CACNA1D: variants seen among roughly 807,000 people sequenced by gnomAD.
CACNA1D encodes the protein voltage-dependent L-type calcium channel subunit alpha-1D.
CACNA1D carries 55 observed loss-of-function variants against 257.1 expected under a neutral mutation model. The observed-to-expected ratio is 0.21, with a 90% CI of 0.17 to 0.27. The LOEUF is 0.27. Ranked by LOEUF, CACNA1D falls within the 10% of genes least tolerant of loss-of-function variation. CACNA1D has a pLI of 1.00. For synonymous variants in CACNA1D, 980 were observed against 1,014.9 expected (o/e 0.97, Z 0.65); for missense variants, 1,876 against 2,784.0 (o/e 0.67, Z 7.34).
rs757136931 is a variant in CACNA1D at position 53,735,385 on chromosome 3, G to T, written c.2633G>T (p.Gly878Val). ...ILSKTNPIRV[G>V]CHKLINHHIF... The stretch of plus-strand genomic sequence containing the variant: ...GCTTTTCCCTGCAGGATCCGCGTAG[G>T]CTGCCACAAGCTCATCAACCACCAC... The change falls in exon 20 of 48, where the codon GGC becomes GTC. Residue 878 changes from glycine (G) to valine (V), a missense_variant. This residue lies in a region of CACNA1D where 271 missense variants were observed against 425.5 expected (regional missense o/e 0.64). Coordinates refer to ENST00000350061, the MANE Select transcript of CACNA1D (RefSeq NM_001128840.3). 6.2e-7 allele frequency: 1 copy of T among 1,614,060 alleles called. No individual in the cohort carries two copies. Among genetic ancestry groups the T allele is most frequent in the Non-Finnish European group, 8.5e-7 (1 of 1,179,922 alleles).
chr3:53,521,463 T>C (rs997436977), intron 3 of CACNA1D, among the ~76,000 whole-genome samples: 6 of 152,310 alleles, frequency 3.9e-5, no homozygotes, highest in Admixed American at 3.3e-4. Context: ...TCCAACTCCC[T>C]TGTCGGAGTA....
chr3:53,747,285 C>T lies in CACNA1D; in HGVS notation c.3168-17C>T. 6.2e-7 allele frequency: 1 copy of T among 1,613,078 alleles called. No individual in the cohort carries two copies. The highest frequency in any genetic ancestry group is 8.5e-7 in the Non-Finnish European group (1 of 1,179,070). ...CATGTGTGAAGCCAGACGACCCACA[C>T]CTGTTTTCCTCTCCAGGGGACTTTT... On this transcript the variant is annotated splice_polypyrimidine_tract_variant and intron_variant, in intron 25 of 47. Transcript: ENST00000350061.
intron 3 of CACNA1D, among the ~76,000 whole-genome samples, chr3:53,649,537 C>A (rs1008159947): frequency 1.5e-4 from 23 of 152,084 alleles, no homozygotes; most frequent in Admixed American, 2.6e-4. Context: ...ACCTCCCCCC[C>A]ACACCAACAG....
At chr3:53,526,145 G>A (rs539807803) in intron 3 of CACNA1D, among the ~76,000 whole-genome samples, 2 of 152,306 alleles carry the variant, frequency 1.3e-5, no homozygotes, top group African/African-American at 2.4e-5. Flanking sequence ...TGGGTCACGC[G>A]CACATCCGGA....
intron 45 of CACNA1D, chr3:53,807,469 G>A (rs1215812077): frequency 6.6e-6 from 1 of 152,310 alleles, no homozygotes; most frequent in South Asian, 2.1e-4. Context: ...CAGTGTGCCT[G>A]GGAGTCCTCC....
At chr3:53,612,300 C>T (rs1229245421) in intron 3 of CACNA1D, among the ~76,000 whole-genome samples, 1 of 152,076 alleles carries the variant, frequency 6.6e-6, no homozygotes, top group Non-Finnish European at 1.5e-5. Flanking sequence ...TATTGTGGAG[C>T]ATCTGAATTT....
intron 20 of CACNA1D, among the ~76,000 whole-genome samples, chr3:53,736,730 A>C (rs978927755): frequency 1.3e-5 from 2 of 152,062 alleles, no homozygotes; most frequent in African/African-American, 2.4e-5. Context: ...CATCTATATA[A>C]AAATTTAAAA....
intron 3 of CACNA1D, among the ~76,000 whole-genome samples, chr3:53,515,815 G>A (rs1298063749): frequency 6.6e-6 from 1 of 152,198 alleles, no homozygotes; most frequent in Non-Finnish European, 1.5e-5. Context: ...GAGGATTAAA[G>A]GCGATTTTGC....
chr3:53,659,963 G>A (rs1178883002), intron 4 of CACNA1D, among the ~76,000 whole-genome samples, 170 bp from the exon 5 acceptor site: 1 of 152,188 alleles, frequency 6.6e-6, no homozygotes, highest in African/African-American at 2.4e-5. Flanking sequence ...TTTTGGAGAT[G>A]GCGTCGTTTG....
intron 15 of CACNA1D, among the ~76,000 whole-genome samples, chr3:53,727,736 G>A (rs1046698823): frequency 1.2e-4 from 18 of 152,006 alleles, no homozygotes; most frequent in African/African-American, 3.4e-4. Context: ...CATGAACGAC[G>A]TACACACTCA....
At chr3:53,738,309 G>A (rs1032493983) in intron 20 of CACNA1D, among the ~76,000 whole-genome samples, 2 of 152,192 alleles carry the variant, frequency 1.3e-5, no homozygotes, top group Non-Finnish European at 2.9e-5. Context: ...CACGCACTCC[G>A]ATATGAAGAG....
intron 3 of CACNA1D, among the ~76,000 whole-genome samples, chr3:53,532,974 C>T (rs1037264172): frequency 6.6e-6 from 1 of 152,308 alleles, no homozygotes; most frequent in South Asian, 2.1e-4. Context: ...ACATTGGCCA[C>T]AACTGCACAG....
chr3:53,722,288 C>T (rs369246789), intron 11 of CACNA1D, 26 bp from the exon 12 acceptor site: 24 of 1,612,978 alleles, frequency 1.5e-5, no homozygotes, highest in South Asian at 1.1e-4. Flanking sequence ...CTGTCATCTA[C>T]GTAGTAATGT....
In CACNA1D at chr3:53,802,189, C is replaced by T; in HGVS notation, c.5435+16C>T. 2 of 1,596,292 alleles carry T rather than the reference C, an allele frequency of 1.3e-6. No individual in the cohort carries two copies. Among genetic ancestry groups the T allele is most frequent in the Non-Finnish European group, 1.7e-6 (2 of 1,163,816 alleles). On this transcript the variant is annotated intron_variant, in intron 43 of 47. Transcript: ENST00000350061. ...CTTACATTAGGTATGTGCTCATTAC[C>T]TGTTTTTGTGTTAAATACTGTGATG...
intron 5 of CACNA1D, among the ~76,000 whole-genome samples, chr3:53,662,218 A>G (rs946578043): frequency 1.3e-5 from 2 of 152,216 alleles, no homozygotes; most frequent in African/African-American, 4.8e-5. Flanking sequence ...ATGGAAATAT[A>G]TATTCATTCA....
intron 3 of CACNA1D, among the ~76,000 whole-genome samples, chr3:53,517,227 TCCCTCACTGCAAGGCCCTGA>T (rs2091374911): frequency 6.6e-6 from 1 of 150,574 alleles, no homozygotes; most frequent in Non-Finnish European, 1.5e-5. Flanking sequence ...TGAATCCTAA[TCCCTCACTGCAAGGCCCTGA>T]ATCCTAATTC....
At chr3:53,557,517 A>G (rs916097155) in intron 3 of CACNA1D, among the ~76,000 whole-genome samples, 1 of 152,106 alleles carries the variant, frequency 6.6e-6, no homozygotes, top group Non-Finnish European at 1.5e-5. Context: ...AAAAAGAAAG[A>G]TCTGTGTTCT....
intron 8 of CACNA1D, among the ~76,000 whole-genome samples, chr3:53,680,595 A>C (rs2094420906): frequency 6.6e-6 from 1 of 152,214 alleles, no homozygotes; most frequent in Non-Finnish European, 1.5e-5. Flanking sequence ...CTAGGGGAAG[A>C]GAATTCATTA....
intron 26 of CACNA1D, among the ~76,000 whole-genome samples, chr3:53,748,454 A>T (rs2095193030): frequency 6.6e-6 from 1 of 152,198 alleles, no homozygotes; most frequent in South Asian, 2.1e-4. Context: ...GAACAGAGGC[A>T]TGGAGTAAGG....
Sources: gnomAD v4.1 joint callset for allele counts (sites outside exome capture counted in the v4.1 genomes callset) on GRCh38, gnomAD v4.1.1 for gene constraint, gnomAD v4.1.1 regional missense constraint, MANE v1.5 for transcripts, NCBI Gene and HGNC (gene_info 2026-07-23, HGNC 2026-07-21) for gene names.